The following CELF5 variants were observed in gnomAD, a reference collection of about 807,000 sequenced individuals.
The protein encoded by CELF5 is CUGBP Elav-like family member 5, also known as CUG-BP and ETR-3 like factor 5.
A neutral mutation model predicts 54.9 loss-of-function variants in CELF5; 6 were observed. The observed-to-expected ratio is 0.11, with a 90% CI of 0.06 to 0.22. CELF5 has a LOEUF of 0.22. Ranked by LOEUF, CELF5 falls within the 10% of genes least tolerant of loss-of-function variation. CELF5 has a pLI of 1.00. For synonymous variants in CELF5, 271 were observed against 290.9 expected (o/e 0.93, Z 0.70); for missense variants, 401 against 678.6 (o/e 0.59, Z 4.54).
rs888224568 is a variant in CELF5 at position 3,250,863 on chromosome 19, A to G, written c.260-122A>G. On this transcript the variant is annotated intron_variant, in intron 1 of 12. Transcript: ENST00000292672. ...GTTGCGTGGATGCACCAGGTTGTGT[A>G]GATCTATGCATCTGTGGATGGAAGC... 1.8e-5 allele frequency: 12 copies of G among 674,436 alleles called. No individual in the cohort carries two copies. The African/African-American group carries it at 2.0e-4, about 11-fold the overall frequency. The allele number at this position is 674,436 out of a possible 1,614,324, so 41.8% of individuals were successfully genotyped here. A position where few individuals can be genotyped will look rare whatever the true frequency, so the allele number is the denominator to read the frequency against.
intron 2 of CELF5, among the ~76,000 whole-genome samples, chr19:3,259,558 C>T (rs539122335): frequency 6.6e-6 from 1 of 152,192 alleles, no homozygotes; most frequent in African/African-American, 2.4e-5. Flanking sequence ...CCAGGAGGAC[C>T]CCAGCTCCTG....
intron 1 of CELF5, among the ~76,000 whole-genome samples, chr19:3,236,960 G>A (rs1462468712): frequency 6.8e-5 from 10 of 147,636 alleles, no homozygotes; most frequent in African/African-American, 1.0e-4. Flanking sequence ...CTGCACTCCA[G>A]CCTGGACGAC....
In CELF5 at chr19:3,251,097, G is replaced by A. The variant is rs2079641016; in HGVS notation, c.342+30G>A. 3 of 1,570,524 alleles carry A rather than the reference G, an allele frequency of 1.9e-6. No individual in the cohort carries two copies. In the African/African-American group the frequency reaches 4.1e-5, roughly 21 times the overall value. On this transcript the variant is annotated intron_variant, in intron 2 of 12. Transcript: ENST00000292672. ...GTCCTGTGTGGTGTCTGGGGAGGAGGGGACAGGGGATGGCTCTCAGCCTGG... is the reference window on the plus strand; with the variant it reads ...GTCCTGTGTGGTGTCTGGGGAGGAGAGGACAGGGGATGGCTCTCAGCCTGG...
intron 1 of CELF5, among the ~76,000 whole-genome samples, chr19:3,245,347 TGTGC>T (rs1424686563): frequency 1.3e-5 from 2 of 148,414 alleles, no homozygotes; most frequent in African/African-American, 2.5e-5. Context: ...CGTGTGTTTG[TGTGC>T]ATGCATCTGT....
chr19:3,233,260 T>C (rs184225205), intron 1 of CELF5, among the ~76,000 whole-genome samples: 1 of 152,218 alleles, frequency 6.6e-6, no homozygotes, highest in Non-Finnish European at 1.5e-5. Context: ...TGCACTCCAA[T>C]CTGGAAAACA....
At chr19:3,260,783 C>T (rs558501529) in intron 2 of CELF5, among the ~76,000 whole-genome samples, 29 of 151,998 alleles carry the variant, frequency 1.9e-4, no homozygotes, top group Middle Eastern at 6.8e-3. Flanking sequence ...CCACCATGAC[C>T]GGCTAATTTT....
intron 10 of CELF5, among the ~76,000 whole-genome samples, chr19:3,289,481 A>G (rs1166420658): frequency 6.6e-6 from 1 of 152,050 alleles, no homozygotes; most frequent in Non-Finnish European, 1.5e-5. Context: ...CAGGAGTTTG[A>G]GCCCAGCCTG....
chr19:3,234,922 C>T (rs900505519), intron 1 of CELF5, among the ~76,000 whole-genome samples: 2 of 152,118 alleles, frequency 1.3e-5, no homozygotes, highest in Non-Finnish European at 2.9e-5. Context: ...CCGCAGCAGC[C>T]ACCAGAGAGC....
Position 3,282,334 on chromosome 19 carries a change from C to A in CELF5, c.893-18C>A. 1 of 1,608,432 alleles carries A rather than the reference C, an allele frequency of 6.2e-7. No homozygotes were observed. On this transcript the variant is annotated intron_variant, in intron 7 of 12. Coordinates refer to ENST00000292672, the MANE Select transcript of CELF5 (RefSeq NM_021938.4). The surrounding 1 kb of genome is among the most constrained non-coding windows in gnomAD (Gnocchi z 5.2). ...GGAGCCAGAACTGGCCTCCCCATGA[C>A]CCTCTTCCGCTCTGCAGGGCTGCAC...
intron 1 of CELF5, among the ~76,000 whole-genome samples, chr19:3,227,206 G>A (rs566674955): frequency 6.6e-6 from 1 of 152,080 alleles, no homozygotes; most frequent in Non-Finnish European, 1.5e-5. Context: ...ACGAAGGGGT[G>A]GGGGGGTGTC....
intron 11 of CELF5, 49 bp downstream of exon 11, chr19:3,290,423 C>T (rs755333155): frequency 1.8e-4 from 287 of 1,604,188 alleles, no homozygotes; most frequent in Non-Finnish European, 2.2e-4. Flanking sequence ...CCTCGCCTGC[C>T]CCCTGACAGG....
At position 3,282,538 on chromosome 19, in the gene CELF5, G is replaced by A; in HGVS notation, c.1039+40G>A. The A allele has an allele frequency of 6.3e-7, 1 of 1,582,404 alleles. No homozygotes were observed. The highest frequency in any genetic ancestry group is 8.6e-7 in the Non-Finnish European group (1 of 1,164,894). ...TCCTCTGGGGCCTAGGAGAGTGGTG[G>A]GGAATAAAGATGGTGTTTCTGGAAC... On this transcript the variant is annotated intron_variant, in intron 8 of 12. Transcript: ENST00000292672. This position sits in a 1 kb window ranked among gnomAD's most constrained non-coding sequence, Gnocchi z 5.2.
chr19:3,229,729 T>C (rs936903892), intron 1 of CELF5, among the ~76,000 whole-genome samples: 1 of 152,160 alleles, frequency 6.6e-6, no homozygotes, highest in African/African-American at 2.4e-5. Flanking sequence ...GCTTGGTCAG[T>C]GGGAGCGGGC....
At chr19:3,283,022 G>T (rs546747838) in intron 8 of CELF5, among the ~76,000 whole-genome samples, 75 of 152,182 alleles carry the variant, frequency 4.9e-4, no homozygotes, top group Non-Finnish European at 9.6e-4. Context: ...GTAGAGATGG[G>T]GTTTCACCAT....
chr19:3,273,997 C>T, intron 3 of CELF5, 74 bp downstream of exon 3: 1 of 1,455,002 alleles, frequency 6.9e-7, no homozygotes, highest in Non-Finnish European at 9.6e-7. Context: ...CTCTTCCTTC[C>T]TCTCTCCTGC....
chr19:3,244,332 A>T (rs1029039230), intron 1 of CELF5, among the ~76,000 whole-genome samples: 1 of 151,496 alleles, frequency 6.6e-6, no homozygotes, highest in Non-Finnish European at 1.5e-5. Context: ...TATGGTGTGC[A>T]TGCATTATTG....
chr19:3,286,458 A>G, intron 10 of CELF5: 2 of 169,818 alleles, frequency 1.2e-5, no homozygotes, highest in Non-Finnish European at 2.5e-5. Flanking sequence ...AGTTCTTGCC[A>G]TGTGCGGTAG....
intron 1 of CELF5, among the ~76,000 whole-genome samples, chr19:3,239,436 G>A (rs916084154): frequency 6.6e-6 from 1 of 151,282 alleles, no homozygotes. Context: ...GGGTCTCACT[G>A]TGTTGCCCAG....
At chr19:3,260,711 C>T (rs1282376427) in intron 2 of CELF5, among the ~76,000 whole-genome samples, 2 of 151,504 alleles carry the variant, frequency 1.3e-5, no homozygotes, top group East Asian at 2.0e-4. Context: ...CAAGCTCCGC[C>T]TCCCAGGTTC....
Sources: allele counts gnomAD v4.1 joint callset (sites outside exome capture counted in the v4.1 genomes callset), GRCh38; gene constraint gnomAD v4.1.1; non-coding constraint Gnocchi (gnomAD v3.1); transcripts MANE v1.5; gene names NCBI Gene and HGNC (gene_info 2026-07-23, HGNC 2026-07-21).